Variants in TRDN observed in about 807,000 individuals in gnomAD.
TRDN encodes triadin in skeletal muscle.
Under a neutral mutation model 149.7 loss-of-function variants are expected in TRDN, and 161 were observed. The ratio of observed to expected loss-of-function variants is 1.08; its 90% CI spans 0.95 to 1.23. The LOEUF is 1.23. Among genes scored for constraint, TRDN ranks in the 50% most tolerant of loss-of-function variants. The pLI is 0.00. For synonymous variants in TRDN, 294 were observed against 250.5 expected (o/e 1.17, Z -1.64); for missense variants, 896 against 823.5 (o/e 1.09, Z -1.08).
intron 1 of TRDN, among the ~76,000 whole-genome samples, chr6:123,585,469 G>A (rs1423671480): frequency 2.0e-5 from 3 of 152,140 alleles, no homozygotes; most frequent in Non-Finnish European, 4.4e-5. Context: ...GATGGGGACA[G>A]ACTTATCCTT....
intron 1 of TRDN, among the ~76,000 whole-genome samples, chr6:123,610,527 G>C (rs993076218): frequency 6.6e-6 from 1 of 152,090 alleles, no homozygotes; most frequent in Non-Finnish European, 1.5e-5. Flanking sequence ...TTTCATAGTC[G>C]CTGTCTTTAC....
At chr6:123,428,075 T>C (rs1774197990) in intron 12 of TRDN, among the ~76,000 whole-genome samples, 1 of 152,140 alleles carries the variant, frequency 6.6e-6, no homozygotes, top group Admixed American at 6.6e-5. Context: ...AGAGAGTACT[T>C]ATATTTCTTT....
Position 123,464,908 on chromosome 6 carries a change from T to C in TRDN, c.929A>G (p.Glu310Gly). Residue 310 changes from glutamate to glycine, a missense_variant and splice_region_variant, in exon 10 of 41, where the codon GAA becomes GGA. Coordinates refer to ENST00000334268, the MANE Select transcript of TRDN (RefSeq NM_006073.4). The stretch of plus-strand genomic sequence containing the variant: ...TTAAGAAAAAAAAAAGTACTTGCCT[T>C]CAAGGGCAGGTGATGCCGGAGTGGG... ...SRPTPASPAL[E>G]EKEGEKKKAE... 1 of 1,582,058 alleles carries C rather than the reference T, an allele frequency of 6.3e-7. No homozygotes were observed.
chr6:123,533,265 A>C (rs889559781), intron 4 of TRDN, among the ~76,000 whole-genome samples: 2 of 152,126 alleles, frequency 1.3e-5, no homozygotes, highest in Admixed American at 6.6e-5. Context: ...GGGTGTGTGC[A>C]TATGTGTGTA....
chr6:123,441,160 G>A (rs1774859067), intron 10 of TRDN: 1 of 151,992 alleles, frequency 6.6e-6, no homozygotes, highest in African/African-American at 2.4e-5. Context: ...TGGTAGCAAT[G>A]GAATTAAATT....
chr6:123,476,805 G>T (rs972144078), intron 9 of TRDN, among the ~76,000 whole-genome samples: 2 of 151,266 alleles, frequency 1.3e-5, no homozygotes, highest in Non-Finnish European at 3.0e-5. Context: ...AACAAGCAAT[G>T]GGGAAAGGAT....
chr6:123,416,296 C>T (rs1345509405), intron 12 of TRDN, among the ~76,000 whole-genome samples: 1 of 152,196 alleles, frequency 6.6e-6, no homozygotes, highest in African/African-American at 2.4e-5. Context: ...CAGATCTCCA[C>T]AACTCGGTTA....
At chr6:123,293,905 C>A (rs575151477) in intron 24 of TRDN, among the ~76,000 whole-genome samples, 1 of 152,196 alleles carries the variant, frequency 6.6e-6, no homozygotes, top group African/African-American at 2.4e-5. Flanking sequence ...CAGAAGTAAG[C>A]TAGCAATAGG....
At chr6:123,503,387 T>C in intron 8 of TRDN, 1 of 985,326 alleles carries the variant, frequency 1.0e-6, no homozygotes, top group Non-Finnish European at 1.2e-6. Flanking sequence ...GTATGACACA[T>C]ACAATCTTTA....
chr6:123,606,004 T>A (rs1021166720), intron 1 of TRDN, among the ~76,000 whole-genome samples: 2 of 152,138 alleles, frequency 1.3e-5, no homozygotes, highest in African/African-American at 4.8e-5. Flanking sequence ...GGAAAATCAA[T>A]CCTTTCAAAT....
chr6:123,629,006 T>C lies in TRDN; in HGVS notation c.22+7748A>G, dbSNP rs138685738. On this transcript the variant is annotated intron_variant, in intron 1 of 40. Transcript: ENST00000334268. ...TAAATTCACAAACTTGGCATTTTACTATACTGTAGTAACTTTCAGATTTTA... is the reference window on the plus strand; with the variant it reads ...TAAATTCACAAACTTGGCATTTTACCATACTGTAGTAACTTTCAGATTTTA... 1.0e-3 allele frequency among the ~76,000 whole-genome samples: 152 copies of C among 152,282 alleles called. 1 individual carries two copies. The East Asian group carries it at 0.013, about 13-fold the overall frequency.
intron 9 of TRDN, chr6:123,468,725 T>G (rs1199594242): frequency 1.3e-5 from 2 of 152,168 alleles, no homozygotes; most frequent in Admixed American, 6.5e-5. Context: ...TGAAAACCAT[T>G]TCTGAACAAC....
At chr6:123,554,943 C>G (rs1226153458) in intron 2 of TRDN, among the ~76,000 whole-genome samples, 1 of 151,994 alleles carries the variant, frequency 6.6e-6, no homozygotes, top group Non-Finnish European at 1.5e-5. Context: ...GGTAGAAATG[C>G]TAATTTAATT....
chr6:123,319,495 A>C (rs1779164555), intron 23 of TRDN, among the ~76,000 whole-genome samples: 1 of 152,074 alleles, frequency 6.6e-6, no homozygotes, highest in Admixed American at 6.6e-5. Context: ...ATATATATAA[A>C]CTTTATATAT....
In TRDN at chr6:123,285,769, A is replaced by T. The variant is rs888478211; in HGVS notation, c.1511-6687T>A. Among the ~76,000 whole-genome samples, 21 of 152,136 alleles carry T rather than the reference A, an allele frequency of 1.4e-4. 2 individuals carry two copies. The highest frequency in any genetic ancestry group is 6.2e-4 in the South Asian group (3 of 4,834). On this transcript the variant is annotated intron_variant, in intron 24 of 40. Coordinates refer to ENST00000334268, the MANE Select transcript of TRDN (RefSeq NM_006073.4). ...ACAGACAACCTACAGAGTGGGAGAA[A>T]ATCTTCACAATCTATACATCTGACA...
At chr6:123,355,693 A>G (rs560223851) in intron 20 of TRDN, among the ~76,000 whole-genome samples, 1 of 151,904 alleles carries the variant, frequency 6.6e-6, no homozygotes, top group South Asian at 2.1e-4. Context: ...TGGGATTATG[A>G]TGAATTAATA....
At chr6:123,276,268 A>T (rs1777363601) in intron 26 of TRDN, among the ~76,000 whole-genome samples, 1 of 152,132 alleles carries the variant, frequency 6.6e-6, no homozygotes, top group Admixed American at 6.6e-5. Flanking sequence ...AGTTTTAAAG[A>T]TGAGGTCTCA....
chr6:123,237,977 A>G (rs1256514122), intron 38 of TRDN, among the ~76,000 whole-genome samples: 1 of 152,194 alleles, frequency 6.6e-6, no homozygotes, highest in Non-Finnish European at 1.5e-5. Flanking sequence ...AAAACAATAG[A>G]GTTGAATAAT....
intron 14 of TRDN, among the ~76,000 whole-genome samples, chr6:123,383,065 A>T (rs541920340): frequency 4.6e-5 from 7 of 152,202 alleles, no homozygotes; most frequent in African/African-American, 1.7e-4. Flanking sequence ...CTGGCTTATA[A>T]TTATCTGGCT....
Sources: allele counts gnomAD v4.1 joint callset (sites outside exome capture counted in the v4.1 genomes callset), GRCh38; gene constraint gnomAD v4.1.1; transcripts MANE v1.5; gene names NCBI Gene and HGNC (gene_info 2026-07-23, HGNC 2026-07-21).